ARHGAP5: variants seen among roughly 807,000 people sequenced by gnomAD.
The protein encoded by ARHGAP5 is Rho GTPase activating protein 5.
ARHGAP5 carries 23 observed loss-of-function variants against 116.6 expected under a neutral mutation model. That is an observed-to-expected ratio of 0.20 (90% CI 0.14 to 0.28). ARHGAP5 has a LOEUF of 0.28. ARHGAP5 is among the 10% of genes least tolerant of loss of function. The pLI is 1.00. For missense variants in ARHGAP5, 1,405 were observed against 1,774.8 expected (o/e 0.79, Z 3.74); for synonymous variants, 574 against 602.0 (o/e 0.95, Z 0.68).
intron 3 of ARHGAP5, among the ~76,000 whole-genome samples, chr14:32,124,486 T>A (rs1880047366): frequency 6.6e-6 from 1 of 152,160 alleles, no homozygotes; most frequent in Admixed American, 6.5e-5. Flanking sequence ...AAAGGGATAG[T>A]GCAGAAGAGA....
At chr14:32,119,976 A>T (rs534070446) in intron 3 of ARHGAP5, among the ~76,000 whole-genome samples, 1 of 152,234 alleles carries the variant, frequency 6.6e-6, no homozygotes, top group East Asian at 1.9e-4. Context: ...CAGAGTGAAA[A>T]GCTGGCATCA....
chr14:32,094,986 G>C (rs986895237), intron 2 of ARHGAP5, among the ~76,000 whole-genome samples: 1 of 152,106 alleles, frequency 6.6e-6, no homozygotes, highest in African/African-American at 2.4e-5. Flanking sequence ...AAATATGAAT[G>C]CTGTTAAAGT....
At chr14:32,090,420 T>C (rs1878186965) in intron 1 of ARHGAP5, 82 bp from the exon 2 acceptor site, 1 of 452,384 alleles carries the variant, frequency 2.2e-6, no homozygotes, top group Non-Finnish European at 3.9e-6. Flanking sequence ...ATTTGTATGG[T>C]GCTTTGTTGT....
chr14:32,090,674 T>C lies in ARHGAP5; in HGVS notation c.5T>C (p.Met2Thr), dbSNP rs1267035250. 9 of 1,594,678 alleles carry C rather than the reference T, an allele frequency of 5.6e-6. No individual in the cohort carries two copies. The highest frequency in any genetic ancestry group is 7.7e-6 in the Non-Finnish European group (9 of 1,173,288). M[M>T]AKNKEPRPPS... ...TAGAGACATGAGAAGAGAGTTATGA[T>C]GGCAAAAAACAAAGAGCCTCGTCCC... The change falls in exon 2 of 7, where the codon ATG (methionine) becomes ACG (threonine). Residue 2 changes from methionine to threonine, a missense_variant. Around this residue, in one of 6 missense-constraint regions of ARHGAP5, gnomAD observed 190 missense variants for 314.9 expected, o/e 0.60. Transcript: ENST00000345122.
At chr14:32,146,145 A>G in intron 3 of ARHGAP5, 118 bp from the exon 4 acceptor site, 1 of 662,530 alleles carries the variant, frequency 1.5e-6, no homozygotes, top group Non-Finnish European at 2.6e-6. Context: ...CTCCTGGGCC[A>G]AGCAGTTCTC....
At chr14:32,122,301 G>C (rs1312402499) in intron 3 of ARHGAP5, among the ~76,000 whole-genome samples, 1 of 152,056 alleles carries the variant, frequency 6.6e-6, no homozygotes, top group Non-Finnish European at 1.5e-5. Context: ...TGCTTTATTG[G>C]CTTTTTGTGC....
intron 3 of ARHGAP5, among the ~76,000 whole-genome samples, chr14:32,128,297 G>A (rs575373063): frequency 5.3e-5 from 8 of 152,338 alleles, no homozygotes; most frequent in East Asian, 1.9e-4. Flanking sequence ...GGCAGAGGCC[G>A]CAATCTCAGC....
chr14:32,154,655 G>A lies in ARHGAP5; in HGVS notation c.4216G>A (p.Ala1406Thr), dbSNP rs112370244. The A allele has an allele frequency of 6.1e-3, 9,798 of 1,612,824 alleles. 90 individuals are homozygous for A. Among genetic ancestry groups the A allele is most frequent in the Middle Eastern group, 0.042 (254 of 6,060 alleles). The change falls in exon 7 of 7, where the codon GCA becomes ACA. Residue 1406 changes from alanine to threonine, a missense_variant. Around this residue, in one of 6 missense-constraint regions of ARHGAP5, gnomAD observed 5 missense variants for 24.1 expected, o/e 0.21. Coordinates refer to ENST00000345122, the MANE Select transcript of ARHGAP5 (RefSeq NM_001030055.2). Reference protein sequence around the residue: ...SQQHKINLMTADNLSICFWPT... With the variant: ...SQQHKINLMTTDNLSICFWPT... ...GCAACATAAAATCAACCTAATGACA[G>A]CAGACAACTTATCCATCTGTTTTTG...
At chr14:32,102,669 C>T (rs1878844716) in intron 2 of ARHGAP5, among the ~76,000 whole-genome samples, 1 of 152,192 alleles carries the variant, frequency 6.6e-6, no homozygotes, top group Non-Finnish European at 1.5e-5. Context: ...CTACTGCAGG[C>T]AAGATTTGTA....
chr14:32,123,364 T>A (rs991891479), intron 3 of ARHGAP5, among the ~76,000 whole-genome samples: 3 of 152,060 alleles, frequency 2.0e-5, no homozygotes, highest in African/African-American at 7.2e-5. Flanking sequence ...TTAAAACTTT[T>A]TTTTTCTGTA....
At chr14:32,130,680 G>A (rs182304961) in intron 3 of ARHGAP5, among the ~76,000 whole-genome samples, 101 of 151,886 alleles carry the variant, frequency 6.6e-4, no homozygotes, top group African/African-American at 2.1e-3. Context: ...CTACAGGCAC[G>A]TGCCACCACA....
At chr14:32,125,018 A>C (rs1880070928) in intron 3 of ARHGAP5, among the ~76,000 whole-genome samples, 1 of 152,234 alleles carries the variant, frequency 6.6e-6, no homozygotes, top group Non-Finnish European at 1.5e-5. Flanking sequence ...GGTGCAATTC[A>C]TAAATAACAT....
chr14:32,127,144 C>T (rs1473186938), intron 3 of ARHGAP5, among the ~76,000 whole-genome samples: 8 of 151,464 alleles, frequency 5.3e-5, no homozygotes, highest in Middle Eastern at 3.4e-3. Flanking sequence ...ACCACAGGTG[C>T]GTGCCACCAC....
In ARHGAP5 at chr14:32,158,429, T is replaced by C. The variant is rs1166341853; in HGVS notation, c.*3481T>C. 5.3e-5 allele frequency: 8 copies of C among 152,076 alleles called. No individual in the cohort carries two copies. The highest frequency in any genetic ancestry group is 1.9e-4 in the African/African-American group (8 of 41,564). The allele number at this position is 152,076 out of a possible 1,614,324, so 9.4% of individuals were successfully genotyped here. On this transcript the variant is annotated 3_prime_UTR_variant, in exon 7 of 7. Coordinates refer to ENST00000345122, the MANE Select transcript of ARHGAP5 (RefSeq NM_001030055.2). ...TTTTGAGCTGTGGCTAGACATTCTTTAGAGCCACTGGAAATATTTTGAAAA... is the reference window on the plus strand; with the variant it reads ...TTTTGAGCTGTGGCTAGACATTCTTCAGAGCCACTGGAAATATTTTGAAAA...
At position 32,117,129 on chromosome 14, in the gene ARHGAP5, T is replaced by C; in HGVS notation, c.3718-11T>C. On this transcript the variant is annotated splice_polypyrimidine_tract_variant and intron_variant, in intron 2 of 6. Transcript: ENST00000345122. ...TTTTAATAGTGTTAACTTAAATATG[T>C]TTTCTTATAGCAGAAAAAGAAAACT... 6.3e-7 allele frequency: 1 copy of C among 1,577,374 alleles called. No homozygotes were observed.
intron 2 of ARHGAP5, among the ~76,000 whole-genome samples, chr14:32,106,121 T>TTTTA (rs922221149): frequency 1.3e-5 from 2 of 152,232 alleles, no homozygotes; most frequent in South Asian, 2.1e-4. Context: ...GGGTATACTA[T>TTTTA]TTTATTTATT....
chr14:32,138,436 A>G (rs1420833317), intron 3 of ARHGAP5, among the ~76,000 whole-genome samples: 2 of 152,136 alleles, frequency 1.3e-5, no homozygotes, highest in African/African-American at 4.8e-5. Flanking sequence ...GGTGGGTGCC[A>G]CTGCACCTGG....
intron 5 of ARHGAP5, among the ~76,000 whole-genome samples, chr14:32,152,207 A>C (rs1881667406): frequency 6.6e-6 from 1 of 152,014 alleles, no homozygotes; most frequent in South Asian, 2.1e-4. Flanking sequence ...CCATCCCCCC[A>C]CCCATCTGTG....
At chr14:32,119,773 G>A (rs1002468451) in intron 3 of ARHGAP5, among the ~76,000 whole-genome samples, 1 of 151,982 alleles carries the variant, frequency 6.6e-6, no homozygotes, top group South Asian at 2.1e-4. Context: ...ATTGTTTTTT[G>A]CTGTGGATTG....
Sources: gnomAD v4.1 joint callset for allele counts (sites outside exome capture counted in the v4.1 genomes callset) on GRCh38, gnomAD v4.1.1 for gene constraint, gnomAD v4.1.1 regional missense constraint, MANE v1.5 for transcripts, NCBI Gene and HGNC (gene_info 2026-07-23, HGNC 2026-07-21) for gene names.